RNGTT: variants seen among roughly 807,000 people sequenced by gnomAD.
The protein encoded by RNGTT is RNA guanylyltransferase and 5'-phosphatase, also known as mRNA-capping enzyme.
A neutral mutation model predicts 79.3 loss-of-function variants in RNGTT; 33 were observed. That is an observed-to-expected ratio of 0.42 (90% CI 0.32 to 0.56). The LOEUF (loss-of-function observed/expected upper bound fraction) is 0.56. Among genes scored for constraint, RNGTT ranks in the 20% least tolerant of loss-of-function variants. The pLI is 0.17. For missense variants in RNGTT, 497 were observed against 739.1 expected, an observed-to-expected ratio of 0.67 and a Z score of 3.80; for synonymous variants, 222 against 235.9, an observed-to-expected ratio of 0.94 and a Z score of 0.54.
In RNGTT at chr6:88,944,844, T is replaced by C. The variant is rs574244346; in HGVS notation, c.65-3664A>G. ...ATAGCCCACAGTCAAATCAGGATTCTCCTCCTGAATGTGACTACATTCCTC... is the reference window on the plus strand; with the variant it reads ...ATAGCCCACAGTCAAATCAGGATTCCCCTCCTGAATGTGACTACATTCCTC... On this transcript the variant is annotated intron_variant, in intron 1 of 15. Transcript: ENST00000369485. Among the ~76,000 whole-genome samples the C allele has an allele frequency of 5.9e-5, 9 of 152,332 alleles. No homozygotes were observed. In the South Asian group the frequency reaches 1.9e-3, roughly 32 times the overall value.
chr6:88,614,520 T>G, intron 14 of RNGTT, 125 bp from the exon 15 acceptor site: 1 of 869,562 alleles, frequency 1.2e-6, no homozygotes, highest in Non-Finnish European at 1.8e-6. Flanking sequence ...GAGAGCTCTT[T>G]GTCATCTGAA....
At chr6:88,752,940 T>A (rs1447362924) in intron 13 of RNGTT, among the ~76,000 whole-genome samples, 1 of 152,110 alleles carries the variant, frequency 6.6e-6, no homozygotes, top group East Asian at 1.9e-4. Flanking sequence ...TTTCTGATGA[T>A]CCTACAGATA....
chr6:88,792,044 C>T (rs371770625), intron 12 of RNGTT, among the ~76,000 whole-genome samples: 2 of 152,130 alleles, frequency 1.3e-5, no homozygotes, highest in African/African-American at 4.8e-5. Flanking sequence ...ATCAATGATA[C>T]TAAATTCTAG....
At chr6:88,894,906 T>A (rs1562307262) in intron 6 of RNGTT, among the ~76,000 whole-genome samples, 1 of 151,962 alleles carries the variant, frequency 6.6e-6, no homozygotes, top group East Asian at 1.9e-4. Flanking sequence ...TCTCTATTTA[T>A]AAAAATAAAA....
chr6:88,855,338 A>G (rs929342209), intron 8 of RNGTT, among the ~76,000 whole-genome samples: 3 of 152,214 alleles, frequency 2.0e-5, no homozygotes, highest in Admixed American at 6.5e-5. Context: ...AGCAAAGTAC[A>G]CATGTTTAGG....
intron 8 of RNGTT, among the ~76,000 whole-genome samples, chr6:88,855,838 T>C (rs1327515026): frequency 2.0e-5 from 3 of 152,180 alleles, no homozygotes; most frequent in Non-Finnish European, 4.4e-5. Context: ...CAATTCCTGG[T>C]GGATAGAGAG....
intron 1 of RNGTT, among the ~76,000 whole-genome samples, chr6:88,944,802 T>C (rs760991008): frequency 4.6e-5 from 7 of 152,212 alleles, no homozygotes; most frequent in Non-Finnish European, 7.3e-5. Flanking sequence ...AATTTAGTTT[T>C]TGAGCTCCCA....
At chr6:88,621,043 T>C (rs902679989) in intron 14 of RNGTT, among the ~76,000 whole-genome samples, 5 of 152,232 alleles carry the variant, frequency 3.3e-5, no homozygotes, top group African/African-American at 1.2e-4. Flanking sequence ...ATCTATCTGC[T>C]TAATAAATGG....
At chr6:88,836,395 A>C (rs984934075) in intron 11 of RNGTT, among the ~76,000 whole-genome samples, 2 of 152,088 alleles carry the variant, frequency 1.3e-5, no homozygotes, top group African/African-American at 4.8e-5. Flanking sequence ...AATCCTGGGA[A>C]AGATGAAAAA....
intron 14 of RNGTT, among the ~76,000 whole-genome samples, chr6:88,628,079 AGT>A (rs1562157025): frequency 6.6e-6 from 1 of 152,136 alleles, no homozygotes; most frequent in African/African-American, 2.4e-5. Context: ...GTAAGTACAG[AGT>A]GATAATCACA....
At chr6:88,843,545 A>ATTTT (rs1443308736) in intron 11 of RNGTT, among the ~76,000 whole-genome samples, 1 of 118,746 alleles carries the variant, frequency 8.4e-6, no homozygotes, top group East Asian at 2.6e-4. Context: ...ATTTAGTATG[A>ATTTT]TTCTTTTTTT....
At chr6:88,739,725 T>TTATA (rs367967175) in intron 13 of RNGTT, among the ~76,000 whole-genome samples, 1,311 of 93,224 alleles carry the variant, frequency 0.014, 70 homozygotes, top group Non-Finnish European at 0.017. Flanking sequence ...GTGAAAAAAA[T>TTATA]TATATATATA....
intron 13 of RNGTT, among the ~76,000 whole-genome samples, chr6:88,764,497 C>T (rs1778379887): frequency 6.6e-6 from 1 of 152,142 alleles, no homozygotes; most frequent in African/African-American, 2.4e-5. Context: ...TACAGGAAGA[C>T]ACATGTATAC....
Position 88,827,429 on chromosome 6 carries a change from CA to C in RNGTT, c.1269+16927del, listed in dbSNP as rs527309571. Among the ~76,000 whole-genome samples the C allele has an allele frequency of 8.2e-4, 125 of 152,276 alleles. 1 individual carries two copies. In the South Asian group the frequency reaches 0.013, roughly 16 times the overall value. On this transcript the variant is annotated intron_variant, in intron 11 of 15. Coordinates refer to ENST00000369485, the MANE Select transcript of RNGTT (RefSeq NM_003800.5). ...AGATTCCCTCGGATGCCTACGCCAC[CA>C]GGGCCCTGGGTTTCAAGCACAAAAC...
chr6:88,951,979 GGGCAGACAGGGA>G (rs1256051219), intron 1 of RNGTT, among the ~76,000 whole-genome samples: 5 of 152,272 alleles, frequency 3.3e-5, no homozygotes, highest in East Asian at 1.9e-4. Flanking sequence ...GCTGCCCAGT[GGGCAGACAGGGA>G]GGCAGACAGG....
chr6:88,902,690 CTTTT>C (rs71024315), intron 6 of RNGTT, among the ~76,000 whole-genome samples: 1 of 82,706 alleles, frequency 1.2e-5, no homozygotes, highest in Non-Finnish European at 2.2e-5. Flanking sequence ...ATAGTGAAAT[CTTTT>C]TTTTTTTTTT....
intron 11 of RNGTT, among the ~76,000 whole-genome samples, chr6:88,818,778 C>T (rs1780409340): frequency 6.6e-6 from 1 of 152,112 alleles, no homozygotes; most frequent in Non-Finnish European, 1.5e-5. Context: ...GTGATACATA[C>T]TGAGAACAGT....
At chr6:88,695,476 C>A (rs1394609262) in intron 13 of RNGTT, among the ~76,000 whole-genome samples, 1 of 152,048 alleles carries the variant, frequency 6.6e-6, no homozygotes, top group Non-Finnish European at 1.5e-5. Flanking sequence ...CTCATACCTA[C>A]CACCACATTT....
intron 13 of RNGTT, among the ~76,000 whole-genome samples, chr6:88,734,859 T>C (rs145218279): frequency 6.6e-6 from 1 of 152,318 alleles, no homozygotes; most frequent in African/African-American, 2.4e-5. Flanking sequence ...TTGTGTTAGA[T>C]GATTTTGACC....
Sources: allele counts gnomAD v4.1 joint callset (sites outside exome capture counted in the v4.1 genomes callset), GRCh38; gene constraint gnomAD v4.1.1; transcripts MANE v1.5; gene names NCBI Gene and HGNC (gene_info 2026-07-23, HGNC 2026-07-21).